The following DNM1 variants were observed in gnomAD, a reference collection of about 807,000 sequenced individuals.
The protein encoded by DNM1 is dynamin 1.
In DNM1, 29 loss-of-function variants were observed where a neutral mutation model predicts 104.6. The ratio of observed to expected loss-of-function variants is 0.28; its 90% CI spans 0.21 to 0.38. DNM1 has a LOEUF of 0.38. Among genes scored for constraint, DNM1 ranks in the 10% least tolerant of loss-of-function variants. The pLI is 1.00. For missense variants in DNM1, 640 were observed against 1,189.4 expected (o/e 0.54, Z 6.79); for synonymous variants, 445 against 475.8 (o/e 0.94, Z 0.84).
intron 16 of DNM1, 45 bp downstream of exon 16, chr9:128,246,548 C>T (rs1433079469): frequency 1.4e-6 from 2 of 1,449,714 alleles, no homozygotes; most frequent in South Asian, 1.1e-5. Flanking sequence ...CCCAAAACCA[C>T]CCTCACTGAG....
chr9:128,242,629 G>A (rs1444868311), intron 15 of DNM1, among the ~76,000 whole-genome samples: 2 of 152,066 alleles, frequency 1.3e-5, no homozygotes, highest in African/African-American at 2.4e-5. Context: ...GTGTGTTGGC[G>A]GGCGCCTGTA....
chr9:128,205,406 C>T (rs1833877366), intron 1 of DNM1, among the ~76,000 whole-genome samples: 1 of 152,164 alleles, frequency 6.6e-6, no homozygotes, highest in African/African-American at 2.4e-5. Context: ...CTCACAGGAG[C>T]TCCCAAGAGG....
At chr9:128,212,696 G>T (rs903118791) in intron 1 of DNM1, among the ~76,000 whole-genome samples, 1 of 152,186 alleles carries the variant, frequency 6.6e-6, no homozygotes, top group African/African-American at 2.4e-5. Flanking sequence ...GTAACATGGA[G>T]AAACTGATCA....
At chr9:128,229,432 A>G (rs553167760) in intron 10 of DNM1, among the ~76,000 whole-genome samples, 1 of 152,060 alleles carries the variant, frequency 6.6e-6, no homozygotes, top group African/African-American at 2.4e-5. Context: ...CCCTGTCTCT[A>G]CAAAAAATAA....
Position 128,244,754 on chromosome 9 carries a change from T to C in DNM1, c.1672-1640T>C, listed in dbSNP as rs753705566. 5 of 534,122 alleles carry C rather than the reference T, an allele frequency of 9.4e-6. No individual in the cohort carries two copies. In the Admixed American group the frequency reaches 9.7e-5, roughly 10 times the overall value. 33.1% of individuals were successfully genotyped at this position (534,122 alleles called of 1,614,324 possible). On this transcript the variant is annotated intron_variant, in intron 15 of 21. Coordinates refer to ENST00000372923, the MANE Select transcript of DNM1 (RefSeq NM_004408.4). ...CTAACCCAGCCCAGCCTAACCAATG[T>C]GCAGACTACTGTACAATTTGGGAGT... is the stretch of plus-strand genomic sequence containing the variant.
rs1051773980 is a variant in DNM1, at chr9:128,240,937, T to G, written c.1557+941T>G. ...AAGGGGGAGGACAAAGACTACAAGT[T>G]AGGGTGGGGAGCAGGTGGCAAGATC... On this transcript the variant is annotated intron_variant, in intron 14 of 21. Transcript: ENST00000372923. This position sits in a 1 kb window ranked among gnomAD's most constrained non-coding sequence, Gnocchi z 5.1. 3.3e-5 allele frequency: 5 copies of G among 152,488 alleles called. No individual in the cohort carries two copies. Among genetic ancestry groups the G allele is most frequent in the Non-Finnish European group, 7.3e-5 (5 of 68,380 alleles). 9.4% of individuals were successfully genotyped at this position (152,488 alleles called of 1,614,324 possible). A position where few individuals can be genotyped will look rare whatever the true frequency, so the allele number is the denominator to read the frequency against.
chr9:128,227,349 T>C (rs1374491171), intron 10 of DNM1, among the ~76,000 whole-genome samples: 1 of 151,196 alleles, frequency 6.6e-6, no homozygotes. Flanking sequence ...TCCTTGTATG[T>C]TGCTACATAA....
Position 128,218,697 on chromosome 9 carries a change from G to C in DNM1, c.351G>C (p.Pro117=). The change falls in exon 3 of 22, where the codon CCG becomes CCC. Residue 117 remains proline, a synonymous_variant. Coordinates refer to ENST00000372923, the MANE Select transcript of DNM1 (RefSeq NM_004408.4). The surrounding 1 kb of genome is among the most constrained non-coding windows in gnomAD (Gnocchi z 4.8). ...CCGGCACCAACAAGGGCATCTCGCCGGTGCCTATCAACCTCCGCGTCTACT... is the reference window on the plus strand; with the variant it reads ...CCGGCACCAACAAGGGCATCTCGCCCGTGCCTATCAACCTCCGCGTCTACT... ...RVTGTNKGIS[P]VPINLRVYSP... 6.2e-7 allele frequency: 1 copy of C among 1,610,372 alleles called. No homozygotes were observed. The highest frequency in any genetic ancestry group is 8.5e-7 in the Non-Finnish European group (1 of 1,177,398).
Position 128,253,062 on chromosome 9 carries a change from G to A in DNM1, c.2535-1592G>A. On this transcript the variant is annotated intron_variant, in intron 21 of 21. Transcript: ENST00000372923. This position sits in a 1 kb window ranked among gnomAD's most constrained non-coding sequence, Gnocchi z 5.9. Reference sequence around the variant, plus strand: ...CCACCCCCAGGCCGGCCCCACCCGTGCGTGTGAACTGCCATGTTGATTTCG... The same window carrying A: ...CCACCCCCAGGCCGGCCCCACCCGTACGTGTGAACTGCCATGTTGATTTCG... 3.1e-6 allele frequency: 5 copies of A among 1,610,420 alleles called. No individual in the cohort carries two copies. Among genetic ancestry groups the A allele is most frequent in the Non-Finnish European group, 4.2e-6 (5 of 1,179,086 alleles).
At chr9:128,219,397 GGT>G in intron 4 of DNM1, 145 bp downstream of exon 4, 1 of 741,440 alleles carries the variant, frequency 1.3e-6, no homozygotes, top group Non-Finnish European at 2.2e-6. Context: ...GGTCAGGCAT[GGT>G]AGCTCATGCC....
Position 128,239,543 on chromosome 9 carries a change from G to A in DNM1, c.1493+28G>A, listed in dbSNP as rs1407372827. 5 of 1,593,448 alleles carry A rather than the reference G, an allele frequency of 3.1e-6. No individual in the cohort carries two copies. The African/African-American group carries it at 6.7e-5, about 21-fold the overall frequency. On this transcript the variant is annotated intron_variant, in intron 12 of 21. Transcript: ENST00000372923. ...GAGTGCTCCCCCAGGCAAAAAGTGAGTGCTCCCTGGGCAGAGAAGGTAACG... is the reference window on the plus strand; with the variant it reads ...GAGTGCTCCCCCAGGCAAAAAGTGAATGCTCCCTGGGCAGAGAAGGTAACG...
rs1432585973 is a variant in DNM1, at chr9:128,220,765, G to GTGTGTC, written c.849+427_849+428insGTCTGT. Among the ~76,000 whole-genome samples, 6 of 151,662 alleles carry GTGTGTC rather than the reference G, an allele frequency of 4.0e-5. No homozygotes were observed. Among genetic ancestry groups the GTGTGTC allele is most frequent in the Admixed American group, 2.0e-4 (3 of 15,232 alleles). ...CGCGTGTGTGTGTGTGTGTGTGTGT[G>GTGTGTC]TGTCTGTCTGACTGTCTGTCTGTGT... is the stretch of plus-strand genomic sequence containing the variant. On this transcript the variant is annotated intron_variant, in intron 6 of 21. Coordinates refer to ENST00000372923, the MANE Select transcript of DNM1 (RefSeq NM_004408.4). This position sits in a 1 kb window ranked among gnomAD's most constrained non-coding sequence, Gnocchi z 5.2.
Position 128,203,692 on chromosome 9 carries a change from C to T in DNM1, c.161+61C>T, listed in dbSNP as rs552678023. 4 of 1,386,504 alleles carry T rather than the reference C, an allele frequency of 2.9e-6. No individual in the cohort carries two copies. The highest frequency in any genetic ancestry group is 3.7e-6 in the Non-Finnish European group (4 of 1,072,568). The allele number at this position is 1,386,504 out of a possible 1,614,324, so 85.9% of individuals were successfully genotyped here. A position where few individuals can be genotyped will look rare whatever the true frequency, so the allele number is the denominator to read the frequency against. The stretch of plus-strand genomic sequence containing the variant: ...CCCCCGGGATCCCTGGAGTCCCCGC[C>T]CGGGGCACTGACGGCGCGGCGACCT... On this transcript the variant is annotated intron_variant, in intron 1 of 21. Coordinates refer to ENST00000372923, the MANE Select transcript of DNM1 (RefSeq NM_004408.4). The surrounding 1 kb of genome is among the most constrained non-coding windows in gnomAD (Gnocchi z 5.3).
rs765405025 is a variant in DNM1 at position 128,248,585 on chromosome 9, C to T, written c.1908C>T (p.Ala636=). 1 of 1,613,204 alleles carries T rather than the reference C, an allele frequency of 6.2e-7. No homozygotes were observed. The highest frequency in any genetic ancestry group is 1.1e-5 in the South Asian group (1 of 91,040). The change falls in exon 19 of 22, where the codon GCC becomes GCT. Residue 636 remains alanine, a splice_region_variant and synonymous_variant. Coordinates refer to ENST00000372923, the MANE Select transcript of DNM1 (RefSeq NM_004408.4). The surrounding 1 kb of genome is among the most constrained non-coding windows in gnomAD (Gnocchi z 5.6). ...YPERVGDKEK[A]SETEENGSDS... ...TGCCCTTGTGTTCTCCATGGCAGGCCAGCGAGACCGAGGAGAATGGCTCCG... is the reference window on the plus strand; with the variant it reads ...TGCCCTTGTGTTCTCCATGGCAGGCTAGCGAGACCGAGGAGAATGGCTCCG...
chr9:128,241,285 C>T (rs1196883037), intron 14 of DNM1, among the ~76,000 whole-genome samples: 1 of 152,124 alleles, frequency 6.6e-6, no homozygotes, highest in African/African-American at 2.4e-5. Context: ...CTCATCCTCT[C>T]GATCTGACCC....
chr9:128,254,413 G>A lies in DNM1; in HGVS notation c.2535-241G>A, dbSNP rs1829722260. 1 of 1,429,402 alleles carries A rather than the reference G, an allele frequency of 7.0e-7. No homozygotes were observed. Among genetic ancestry groups the A allele is most frequent in the Non-Finnish European group, 9.1e-7 (1 of 1,098,930 alleles). 88.5% of individuals were successfully genotyped at this position (1,429,402 alleles called of 1,614,324 possible). On this transcript the variant is annotated intron_variant, in intron 21 of 21. Coordinates refer to ENST00000372923, the MANE Select transcript of DNM1 (RefSeq NM_004408.4). This position sits in a 1 kb window ranked among gnomAD's most constrained non-coding sequence, Gnocchi z 6.1. ...GAGGCCAGCGTGTGTGGGGTGGGGA[G>A]GGCCGCCACAGCCCCCAGGCGCTAT...
In DNM1 at chr9:128,224,404, C is replaced by T. The variant is rs779719063; in HGVS notation, c.1335+15C>T. Reference sequence around the variant, plus strand: ...GCACCAAGAAGGTAACCCGGAGGCCCGGGCCAGCCCCCACCGCCTCTGCCC... The same window carrying T: ...GCACCAAGAAGGTAACCCGGAGGCCTGGGCCAGCCCCCACCGCCTCTGCCC... On this transcript the variant is annotated intron_variant, in intron 10 of 21. Coordinates refer to ENST00000372923, the MANE Select transcript of DNM1 (RefSeq NM_004408.4). The surrounding 1 kb of genome is among the most constrained non-coding windows in gnomAD (Gnocchi z 4.3). The T allele has an allele frequency of 1.2e-5, 20 of 1,602,356 alleles. No individual in the cohort carries two copies. In the Admixed American group the frequency reaches 2.4e-4, roughly 19 times the overall value.
chr9:128,241,810 G>T (rs1836382826), intron 14 of DNM1, among the ~76,000 whole-genome samples: 1 of 152,150 alleles, frequency 6.6e-6, no homozygotes, highest in Non-Finnish European at 1.5e-5. Flanking sequence ...AGGCAAAAAG[G>T]AAAAAGTGCT....
rs1367125747 is a variant in DNM1, at chr9:128,220,153, G to C, written c.689-28G>C. 9 of 1,613,674 alleles carry C rather than the reference G, an allele frequency of 5.6e-6. No individual in the cohort carries two copies. Among genetic ancestry groups the C allele is most frequent in the Non-Finnish European group, 7.6e-6 (9 of 1,179,604 alleles). On this transcript the variant is annotated intron_variant, in intron 5 of 21. Transcript: ENST00000372923. The surrounding 1 kb of genome is among the most constrained non-coding windows in gnomAD (Gnocchi z 5.2). ...CACCCTTCCCCTCCTCTTGAGGCTG[G>C]TTGCCCTGACCTTGATACTGTTCAC...
Sources: gnomAD v4.1 joint callset for allele counts (sites outside exome capture counted in the v4.1 genomes callset) on GRCh38, gnomAD v4.1.1 for gene constraint, Gnocchi (gnomAD v3.1) non-coding constraint, MANE v1.5 for transcripts, NCBI Gene and HGNC (gene_info 2026-07-23, HGNC 2026-07-21) for gene names.